Variants in SEMA6D observed in about 807,000 individuals in gnomAD.
The protein encoded by SEMA6D is semaphorin-6D.
In SEMA6D, 35 loss-of-function variants were observed where a neutral mutation model predicts 106.6. The observed-to-expected ratio is 0.33, with a 90% CI of 0.25 to 0.44. SEMA6D has a LOEUF of 0.44. Among genes scored for constraint, SEMA6D ranks in the 20% least tolerant of loss-of-function variants. The pLI, the probability that SEMA6D is intolerant of heterozygous loss-of-function variation, is 1.00. For missense variants in SEMA6D, 1,185 were observed against 1,345.9 expected (o/e 0.88, Z 1.87); for synonymous variants, 499 against 487.7 (o/e 1.02, Z -0.31).
chr15:47,444,428 T>A (rs779536761), intron 2 of SEMA6D, among the ~76,000 whole-genome samples: 1 of 152,020 alleles, frequency 6.6e-6, no homozygotes, highest in Non-Finnish European at 1.5e-5. Flanking sequence ...TTTCTTTAAC[T>A]AAGTTAAGAT....
At chr15:47,185,880 A>G (rs1026236823) in intron 1 of SEMA6D, 2 of 152,082 alleles carry the variant, frequency 1.3e-5, no homozygotes, top group African/African-American at 2.4e-5. Context: ...TTTTGCTGGG[A>G]AAAAAATGCT....
intron 1 of SEMA6D, chr15:47,275,067 A>G (rs574319375): frequency 6.6e-6 from 1 of 152,268 alleles, no homozygotes; most frequent in South Asian, 2.1e-4. Flanking sequence ...AGACAAAGGA[A>G]CTGTTAACAG....
At chr15:47,350,800 G>A (rs2038294380) in intron 1 of SEMA6D, among the ~76,000 whole-genome samples, 1 of 152,190 alleles carries the variant, frequency 6.6e-6, no homozygotes, top group African/African-American at 2.4e-5. Flanking sequence ...AAGTACGACT[G>A]TTAAGGAAAA....
intron 1 of SEMA6D, among the ~76,000 whole-genome samples, chr15:47,200,485 C>T (rs1894649222): frequency 6.6e-6 from 1 of 152,052 alleles, no homozygotes; most frequent in Admixed American, 6.6e-5. Flanking sequence ...TAAAATAAGC[C>T]TGGAATAAAT....
intron 3 of SEMA6D, among the ~76,000 whole-genome samples, chr15:47,593,528 C>A: frequency 6.8e-6 from 1 of 147,898 alleles, no homozygotes; most frequent in African/African-American, 2.5e-5. Context: ...CCTGAAAAGA[C>A]TTAAATAATC....
chr15:47,581,909 A>AG (rs56958419), intron 3 of SEMA6D, among the ~76,000 whole-genome samples: 148,945 of 152,304 alleles, frequency 0.98, 72,909 homozygotes, highest in East Asian at 1. Flanking sequence ...TCATGGGAAT[A>AG]GATATACACA....
At chr15:47,483,176 G>T (rs1018002642) in intron 3 of SEMA6D, among the ~76,000 whole-genome samples, 4 of 152,116 alleles carry the variant, frequency 2.6e-5, no homozygotes, top group African/African-American at 4.8e-5. Context: ...TTCACCATTT[G>T]ACCTACTGTC....
At chr15:47,730,475 A>G (rs1035677722) in intron 1 of SEMA6D, 3 of 1,319,354 alleles carry the variant, frequency 2.3e-6, no homozygotes, top group Admixed American at 3.5e-5. Context: ...GTGTGCAATC[A>G]GCACCAGCTG....
intron 1 of SEMA6D, among the ~76,000 whole-genome samples, chr15:47,402,936 G>C (rs749864011): frequency 6.6e-6 from 1 of 152,108 alleles, no homozygotes; most frequent in Admixed American, 6.6e-5. Flanking sequence ...ATTCCAGAGG[G>C]ATCTGAGCCT....
chr15:47,503,071 CT>C (rs2043908249), intron 3 of SEMA6D, among the ~76,000 whole-genome samples: 1 of 152,050 alleles, frequency 6.6e-6, no homozygotes, highest in Non-Finnish European at 1.5e-5. Flanking sequence ...CTTATACTTG[CT>C]TTTTTCAAGT....
intron 2 of SEMA6D, among the ~76,000 whole-genome samples, chr15:47,428,683 A>G (rs2041425895): frequency 2.6e-5 from 4 of 152,016 alleles, no homozygotes; most frequent in Admixed American, 2.6e-4. Context: ...CTGAGGCACA[A>G]GAGTCACTTG....
chr15:47,722,835 G>A (rs921596482), intron 1 of SEMA6D, among the ~76,000 whole-genome samples: 10 of 152,152 alleles, frequency 6.6e-5, no homozygotes, highest in South Asian at 2.1e-4. Flanking sequence ...TCTAGGCACC[G>A]TCCTAAGATC....
intron 1 of SEMA6D, among the ~76,000 whole-genome samples, chr15:47,224,663 T>C (rs2031499830): frequency 1.3e-5 from 2 of 152,074 alleles, no homozygotes; most frequent in South Asian, 4.1e-4. Context: ...CGGTAGATGC[T>C]CAATAAATAT....
chr15:47,674,737 C>A (rs947685453), intron 4 of SEMA6D, among the ~76,000 whole-genome samples: 1 of 152,162 alleles, frequency 6.6e-6, no homozygotes, highest in Non-Finnish European at 1.5e-5. Flanking sequence ...AGGAGGATGG[C>A]GCTTTTGTAG....
chr15:47,352,917 C>T (rs1047463427), intron 1 of SEMA6D, among the ~76,000 whole-genome samples: 4 of 152,120 alleles, frequency 2.6e-5, no homozygotes, highest in Non-Finnish European at 2.9e-5. Context: ...TTTCATGAAA[C>T]GGTTGTTGAA....
intron 1 of SEMA6D, among the ~76,000 whole-genome samples, chr15:47,368,785 G>T (rs1440390834): frequency 6.6e-6 from 1 of 152,204 alleles, no homozygotes; most frequent in African/African-American, 2.4e-5. Flanking sequence ...AAGAATTGGA[G>T]AGTCATCTGA....
chr15:47,506,599 A>ACACACACACACAC (rs1555382656), intron 3 of SEMA6D, among the ~76,000 whole-genome samples: 84 of 137,892 alleles, frequency 6.1e-4, no homozygotes, highest in East Asian at 1.9e-3. Flanking sequence ...CACACACACA[A>ACACACACACACAC]ACACACACAC....
chr15:47,658,033 C>A (rs1779702440), intron 4 of SEMA6D, among the ~76,000 whole-genome samples: 1 of 151,740 alleles, frequency 6.6e-6, no homozygotes, highest in Non-Finnish European at 1.5e-5. Flanking sequence ...AGCCACCACG[C>A]CCAGCAGGGC....
chr15:47,561,288 T>G (rs1019414671), intron 3 of SEMA6D, among the ~76,000 whole-genome samples: 2 of 152,088 alleles, frequency 1.3e-5, no homozygotes, highest in African/African-American at 4.8e-5. Context: ...ACAGCTGATT[T>G]ATTGTCATAA....
Sources: gnomAD v4.1 joint callset for allele counts (sites outside exome capture counted in the v4.1 genomes callset) on GRCh38, gnomAD v4.1.1 for gene constraint, MANE v1.5 for transcripts, NCBI Gene and HGNC (gene_info 2026-07-23, HGNC 2026-07-21) for gene names.